The following ANKRD16 variants were observed in gnomAD, a reference collection of about 807,000 sequenced individuals.
ANKRD16 encodes ankyrin repeat domain 16.
In ANKRD16, 35 loss-of-function variants were observed where a neutral mutation model predicts 37.9. That is an observed-to-expected ratio of 0.92 (90% CI 0.71 to 1.23). The LOEUF is 1.23. Among genes scored for constraint, ANKRD16 ranks in the 50% most tolerant of loss-of-function variants. The pLI is 0.00. For missense variants in ANKRD16, 480 were observed against 469.9 expected (o/e 1.02, Z -0.20); for synonymous variants, 206 against 197.2 (o/e 1.04, Z -0.37).
Position 5,889,331 on chromosome 10 carries a change from C to T in ANKRD16, c.24G>A (p.Arg8=). 7.9e-7 allele frequency: 1 copy of T among 1,258,416 alleles called. No individual in the cohort carries two copies. The highest frequency in any genetic ancestry group is 1.0e-6 in the Non-Finnish European group (1 of 1,004,730). The allele number at this position is 1,258,416 out of a possible 1,614,324, so 78.0% of individuals were successfully genotyped here. Residue 8 remains arginine (R), a synonymous_variant, in exon 1 of 8, where the codon CGG becomes CGA. Transcript: ENST00000380094. MAQPGDP[R]RLCRLVQEGR... Reference sequence around the variant, plus strand: ...CCTCCTGCACCAGCCTGCAGAGGCGCCGCGGGTCCCCGGGCTGGGCCATCG... The same window carrying T: ...CCTCCTGCACCAGCCTGCAGAGGCGTCGCGGGTCCCCGGGCTGGGCCATCG...
At chr10:5,877,604 C>T (rs749466082) in intron 7 of ANKRD16, among the ~76,000 whole-genome samples, 14 of 152,150 alleles carry the variant, frequency 9.2e-5, no homozygotes, top group African/African-American at 1.7e-4. Flanking sequence ...TTCTTGGCTA[C>T]GAAACCAAAA....
At chr10:5,877,941 T>C in intron 7 of ANKRD16, 156 bp downstream of exon 7, 1 of 714,938 alleles carries the variant, frequency 1.4e-6, no homozygotes. Context: ...GTGCCTGTCA[T>C]GGAGCTGGGA....
At position 5,862,244 on chromosome 10, in the gene ANKRD16, A is replaced by G; in HGVS notation, c.*481T>C. ...TGGTTCCAGAGAGTTCTCTGGCTAA[A>G]GACTGCTGCTGCATCTGTTAGGCAA... On this transcript the variant is annotated 3_prime_UTR_variant, in exon 8 of 8. Transcript: ENST00000380094. The surrounding 1 kb of genome is among the most constrained non-coding windows in gnomAD (Gnocchi z 6.5). The G allele has an allele frequency of 2.9e-6, 1 of 348,968 alleles. No individual in the cohort carries two copies. Among genetic ancestry groups the G allele is most frequent in the Non-Finnish European group, 5.6e-6 (1 of 177,820 alleles). The allele number at this position is 348,968 out of a possible 1,614,324, so 21.6% of individuals were successfully genotyped here. A position where few individuals can be genotyped will look rare whatever the true frequency, so the allele number is the denominator to read the frequency against.
chr10:5,880,375 T>C lies in ANKRD16; in HGVS notation c.851A>G (p.Glu284Gly), dbSNP rs748520828. Residue 284 changes from glutamate (E) to glycine (G), a missense_variant and splice_region_variant, in exon 6 of 8, where the codon GAA becomes GGA. Coordinates refer to ENST00000380094, the MANE Select transcript of ANKRD16 (RefSeq NM_019046.3). ...HLTALHYAAK[E>G]GHTSTIQTLL... ...AGTCTGAATTGTACTTGTATGTCCT[T>C]CCTGAATTGAAACAAATTTGTTATC... 1.9e-6 allele frequency: 3 copies of C among 1,591,426 alleles called. No individual in the cohort carries two copies. The African/African-American group carries it at 4.1e-5, about 22-fold the overall frequency.
rs1465313118 is a variant in ANKRD16 at position 5,864,412 on chromosome 10, T to C, written c.*34-1721A>G. Among the ~76,000 whole-genome samples the C allele has an allele frequency of 6.6e-6, 1 of 152,100 alleles. No individual in the cohort carries two copies. Among genetic ancestry groups the C allele is most frequent in the South Asian group, 2.1e-4 (1 of 4,826 alleles). ...GGGAATTTGGCCCAACCCGGGTACA[T>C]GTCCCCTTCTCCTTCTCTGATTTAA... On this transcript the variant is annotated intron_variant, in intron 7 of 7. Transcript: ENST00000380094. This position sits in a 1 kb window ranked among gnomAD's most constrained non-coding sequence, Gnocchi z 4.4.
In ANKRD16 at chr10:5,877,744, A is replaced by G. The variant is rs1349601302; in HGVS notation, c.*33+353T>C. Among the ~76,000 whole-genome samples the G allele has an allele frequency of 2.0e-5, 3 of 152,270 alleles. No individual in the cohort carries two copies. The East Asian group carries it at 5.8e-4, about 29-fold the overall frequency. On this transcript the variant is annotated intron_variant, in intron 7 of 7. Coordinates refer to ENST00000380094, the MANE Select transcript of ANKRD16 (RefSeq NM_019046.3). ...TATTATTATCACAGCCTTACCATGCAGCAGTTACTATAAGATATTTCATAT... is the reference window on the plus strand; with the variant it reads ...TATTATTATCACAGCCTTACCATGCGGCAGTTACTATAAGATATTTCATAT...
rs1841983704 is a variant in ANKRD16 at position 5,864,253 on chromosome 10, G to A, written c.*34-1562C>T. Among the ~76,000 whole-genome samples, 1 of 151,908 alleles carries A rather than the reference G, an allele frequency of 6.6e-6. No homozygotes were observed. Among genetic ancestry groups the A allele is most frequent in the African/African-American group, 2.4e-5 (1 of 41,264 alleles). On this transcript the variant is annotated intron_variant, in intron 7 of 7. Coordinates refer to ENST00000380094, the MANE Select transcript of ANKRD16 (RefSeq NM_019046.3). The surrounding 1 kb of genome is among the most constrained non-coding windows in gnomAD (Gnocchi z 4.4). Reference sequence around the variant, plus strand: ...ACCCCCAGATCCTAGCCTCCCTATAGCCCCTTCCTATTAATGATAAGCCTC... The same window carrying A: ...ACCCCCAGATCCTAGCCTCCCTATAACCCCTTCCTATTAATGATAAGCCTC...
chr10:5,875,492 T>C (rs1842168744), intron 7 of ANKRD16, among the ~76,000 whole-genome samples: 1 of 152,162 alleles, frequency 6.6e-6, no homozygotes, highest in Admixed American at 6.5e-5. Context: ...ATATCAAATG[T>C]TGAAGAAAAG....
At chr10:5,875,829 T>C (rs1330641963) in intron 7 of ANKRD16, among the ~76,000 whole-genome samples, 1 of 149,806 alleles carries the variant, frequency 6.7e-6, no homozygotes. Flanking sequence ...TCTCCTGCCT[T>C]AGCCTCTCAA....
intron 7 of ANKRD16, 141 bp downstream of exon 7, chr10:5,877,956 A>C (rs1842210832): frequency 2.3e-6 from 2 of 856,444 alleles, no homozygotes; most frequent in East Asian, 5.2e-5. Flanking sequence ...CTGGGAACTC[A>C]GCCCCCTGAT....
chr10:5,885,967 T>C (rs896604572), intron 2 of ANKRD16, among the ~76,000 whole-genome samples: 5 of 152,234 alleles, frequency 3.3e-5, no homozygotes, highest in Admixed American at 6.5e-5. Context: ...TCACTTTATA[T>C]GTACACAGCC....
Position 5,868,085 on chromosome 10 carries a change from T to A in ANKRD16, c.*34-5394A>T, listed in dbSNP as rs1375499873. ...GAGTTGGGTGACATGACTTCTCCCCTTTCTAGGTCCCGTGACATCCATCTT... is the reference window on the plus strand; with the variant it reads ...GAGTTGGGTGACATGACTTCTCCCCATTCTAGGTCCCGTGACATCCATCTT... On this transcript the variant is annotated intron_variant, in intron 7 of 7. Transcript: ENST00000380094. This position sits in a 1 kb window ranked among gnomAD's most constrained non-coding sequence, Gnocchi z 4.9. Among the ~76,000 whole-genome samples, 1 of 152,256 alleles carries A rather than the reference T, an allele frequency of 6.6e-6. No homozygotes were observed. Among genetic ancestry groups the A allele is most frequent in the Non-Finnish European group, 1.5e-5 (1 of 68,046 alleles).
At chr10:5,887,752 T>C (rs1270274914) in intron 2 of ANKRD16, 95 bp downstream of exon 2, 2 of 829,502 alleles carry the variant, frequency 2.4e-6, no homozygotes, top group South Asian at 2.0e-5. Flanking sequence ...AATCCTCCTT[T>C]CCCCTGAAGG....
Position 5,864,587 on chromosome 10 carries a change from G to A in ANKRD16, c.*34-1896C>T, listed in dbSNP as rs752462784. 1.9e-4 allele frequency among the ~76,000 whole-genome samples: 29 copies of A among 152,194 alleles called. No homozygotes were observed. Among genetic ancestry groups the A allele is most frequent in the East Asian group, 3.9e-4 (2 of 5,188 alleles). On this transcript the variant is annotated intron_variant, in intron 7 of 7. Transcript: ENST00000380094. This position sits in a 1 kb window ranked among gnomAD's most constrained non-coding sequence, Gnocchi z 4.4. ...CCCTGGCCTTTAATGAAAAGAATGC[G>A]GCTTTAGCTGCAGCCCGAGAGTTTG...
rs1219041718 is a variant in ANKRD16, at chr10:5,874,042, C to T, written c.*33+4055G>A. Among the ~76,000 whole-genome samples the T allele has an allele frequency of 6.6e-6, 1 of 152,088 alleles. No homozygotes were observed. The highest frequency in any genetic ancestry group is 2.4e-5 in the African/African-American group (1 of 41,396). On this transcript the variant is annotated intron_variant, in intron 7 of 7. Coordinates refer to ENST00000380094, the MANE Select transcript of ANKRD16 (RefSeq NM_019046.3). This position sits in a 1 kb window ranked among gnomAD's most constrained non-coding sequence, Gnocchi z 4.7. ...AGTAGCTGGGATTACAGGCGGGTGC[C>T]ACCACGCCTGGCTAATTTTTGTATT...
chr10:5,888,615 C>T (rs576852325), intron 1 of ANKRD16, among the ~76,000 whole-genome samples: 1 of 152,370 alleles, frequency 6.6e-6, no homozygotes, highest in Admixed American at 6.5e-5. Context: ...TCTACACACA[C>T]GAGCGCGTGT....
At chr10:5,873,702 ACTGT>A (rs1270295948) in intron 7 of ANKRD16, among the ~76,000 whole-genome samples, 8 of 152,050 alleles carry the variant, frequency 5.3e-5, no homozygotes, top group South Asian at 2.1e-4. Flanking sequence ...CCCTCTTCTC[ACTGT>A]CTGAGCACCC....
chr10:5,873,088 G>T (rs1842129072), intron 7 of ANKRD16, among the ~76,000 whole-genome samples: 1 of 147,832 alleles, frequency 6.8e-6, no homozygotes. Flanking sequence ...GGAGTGCAGT[G>T]ACATGATCTC....
chr10:5,883,229 T>C (rs1842350245), intron 4 of ANKRD16, 62 bp from the exon 5 acceptor site: 5 of 1,553,750 alleles, frequency 3.2e-6, no homozygotes, highest in Non-Finnish European at 4.4e-6. Flanking sequence ...AACTTAGATC[T>C]GGGCATCTGC....
Sources: allele counts gnomAD v4.1 joint callset (sites outside exome capture counted in the v4.1 genomes callset), GRCh38; gene constraint gnomAD v4.1.1; non-coding constraint Gnocchi (gnomAD v3.1); transcripts MANE v1.5; gene names NCBI Gene and HGNC (gene_info 2026-07-23, HGNC 2026-07-21).